GRID2: variants seen among roughly 807,000 people sequenced by gnomAD.
The protein encoded by GRID2 is glutamate receptor ionotropic, delta-2.
A neutral mutation model predicts 114.8 loss-of-function variants in GRID2; 33 were observed. That is an observed-to-expected ratio of 0.29 (90% confidence interval 0.22 to 0.38). The LOEUF is 0.38. Ranked by LOEUF, GRID2 falls within the 10% of genes least tolerant of loss-of-function variation. GRID2 has a pLI of 1.00. For missense variants in GRID2, 1,184 were observed against 1,257.7 expected (o/e 0.94, Z 0.89); for synonymous variants, 505 against 449.9 (o/e 1.12, Z -1.55).
intron 14 of GRID2, among the ~76,000 whole-genome samples, chr4:93,698,903 G>C (rs17021023): frequency 0.042 from 6,414 of 152,086 alleles, 219 homozygotes; most frequent in African/African-American, 0.085. Flanking sequence ...TAATTAAGTG[G>C]CCTTGAGATA....
chr4:92,929,137 TC>T (rs1370681269), intron 2 of GRID2, among the ~76,000 whole-genome samples: 1 of 151,466 alleles, frequency 6.6e-6, no homozygotes, highest in Non-Finnish European at 1.5e-5. Context: ...ACTCTGTAAA[TC>T]CTCAATCTTT....
intron 2 of GRID2, among the ~76,000 whole-genome samples, chr4:93,077,693 A>T (rs1729459395): frequency 6.6e-6 from 1 of 152,144 alleles, no homozygotes; most frequent in Admixed American, 6.5e-5. Context: ...GACATTCTGC[A>T]CTCACCGAGT....
intron 2 of GRID2, among the ~76,000 whole-genome samples, chr4:92,904,174 A>G (rs949606592): frequency 6.6e-6 from 1 of 151,656 alleles, no homozygotes; most frequent in Admixed American, 6.6e-5. Context: ...ATTAAATTGA[A>G]TATAATATTA....
chr4:92,861,185 A>G (rs1744507089), intron 2 of GRID2, among the ~76,000 whole-genome samples: 1 of 152,066 alleles, frequency 6.6e-6, no homozygotes, highest in Non-Finnish European at 1.5e-5. Flanking sequence ...AAATTATCAC[A>G]AACTTAACAA....
intron 2 of GRID2, among the ~76,000 whole-genome samples, chr4:92,677,654 A>T (rs1490157462): frequency 6.6e-6 from 1 of 152,162 alleles, no homozygotes; most frequent in East Asian, 1.9e-4. Flanking sequence ...TGATCATGCC[A>T]AAATGTTGGA....
chr4:93,714,838 T>A (rs2110177290), intron 14 of GRID2, among the ~76,000 whole-genome samples: 1 of 152,312 alleles, frequency 6.6e-6, no homozygotes, highest in Admixed American at 6.5e-5. Context: ...TAGACCTTTG[T>A]CCAATGGATA....
At position 93,618,885 on chromosome 4, in the gene GRID2, C is replaced by T. The variant is rs73841815; in HGVS notation, c.2194-7384C>T. Among the ~76,000 whole-genome samples the T allele has an allele frequency of 4.6e-3, 702 of 152,076 alleles. 7 individuals are homozygous for T. Among genetic ancestry groups the T allele is most frequent in the African/African-American group, 0.016 (666 of 41,440 alleles). On this transcript the variant is annotated intron_variant, in intron 13 of 15. Coordinates refer to ENST00000282020, the MANE Select transcript of GRID2 (RefSeq NM_001510.4). Reference sequence around the variant, plus strand: ...ATTTGTTTCAAGAAAAAGTTGGCAGCGGAGGGTAAAGAAGCTACATTCAGT... The same window carrying T: ...ATTTGTTTCAAGAAAAAGTTGGCAGTGGAGGGTAAAGAAGCTACATTCAGT...
chr4:92,530,333 T>C (rs1035825217), intron 1 of GRID2, among the ~76,000 whole-genome samples: 2 of 151,862 alleles, frequency 1.3e-5, no homozygotes, highest in Non-Finnish European at 2.9e-5. Flanking sequence ...TTACTAAAAG[T>C]AATGCCTTGT....
At chr4:92,471,029 C>G (rs1298030302) in intron 1 of GRID2, among the ~76,000 whole-genome samples, 2 of 151,956 alleles carry the variant, frequency 1.3e-5, no homozygotes, top group Non-Finnish European at 2.9e-5. Context: ...CAAATCCTGA[C>G]AGCAAGTGGT....
Position 92,884,169 on chromosome 4 carries a change from G to A in GRID2, c.245-200826G>A, listed in dbSNP as rs559779501. ...CTTCACTTTATACTTTTGTGTCATG[G>A]AGATGGCTTCTTTCCTTAAAACCCA... is the stretch of plus-strand genomic sequence containing the variant. On this transcript the variant is annotated intron_variant, in intron 2 of 15. Transcript: ENST00000282020. Among the ~76,000 whole-genome samples the A allele has an allele frequency of 1.1e-4, 17 of 152,262 alleles. No individual in the cohort carries two copies. In the South Asian group the frequency reaches 3.5e-3, roughly 32 times the overall value.
Position 92,495,212 on chromosome 4 carries a change from A to C in GRID2, c.89-94919A>C, listed in dbSNP as rs953121142. Reference sequence around the variant, plus strand: ...TTTCTTAACCATAAAATTATCTGGAATACATTTCAAGCTCCCTGTGTTCAT... The same window carrying C: ...TTTCTTAACCATAAAATTATCTGGACTACATTTCAAGCTCCCTGTGTTCAT... On this transcript the variant is annotated intron_variant, in intron 1 of 15. Transcript: ENST00000282020. Among the ~76,000 whole-genome samples, 7 of 152,082 alleles carry C rather than the reference A, an allele frequency of 4.6e-5. 1 individual carries two copies. Among genetic ancestry groups the C allele is most frequent in the Admixed American group, 4.6e-4 (7 of 15,240 alleles).
Position 93,444,473 on chromosome 4 carries a change from A to C in GRID2, c.1546-11189A>C, listed in dbSNP as rs1415633415. On this transcript the variant is annotated intron_variant, in intron 10 of 15. Coordinates refer to ENST00000282020, the MANE Select transcript of GRID2 (RefSeq NM_001510.4). The stretch of plus-strand genomic sequence containing the variant: ...GCTGTCAGAGAAAAAAATCTATTGA[A>C]ATAATGAAACATACTAATTTTGAGA... Among the ~76,000 whole-genome samples, 3 of 152,132 alleles carry C rather than the reference A, an allele frequency of 2.0e-5. No homozygotes were observed. The East Asian group carries it at 5.8e-4, about 30-fold the overall frequency.
intron 1 of GRID2, among the ~76,000 whole-genome samples, chr4:93,787,706 C>T (rs1374308176): frequency 6.6e-6 from 1 of 152,150 alleles, no homozygotes; most frequent in Non-Finnish European, 1.5e-5. Flanking sequence ...GTGCTTAAGA[C>T]AGTGTCTGGT....
rs533413930 is a variant in GRID2, at chr4:92,892,712, G to C, written c.245-192283G>C. 2.1e-4 allele frequency among the ~76,000 whole-genome samples: 32 copies of C among 152,250 alleles called. 1 individual carries two copies. The South Asian group carries it at 6.6e-3, about 32-fold the overall frequency. The stretch of plus-strand genomic sequence containing the variant: ...TATAAACATAATTTTAAAAATAACT[G>C]ATAGAAAATCCACTTGGGAACACAT... On this transcript the variant is annotated intron_variant, in intron 2 of 15. Coordinates refer to ENST00000282020, the MANE Select transcript of GRID2 (RefSeq NM_001510.4).
At chr4:92,550,553 A>T (rs1726533704) in intron 1 of GRID2, among the ~76,000 whole-genome samples, 1 of 152,152 alleles carries the variant, frequency 6.6e-6, no homozygotes, top group Non-Finnish European at 1.5e-5. Flanking sequence ...ATATTTATTA[A>T]TGATTGTTTA....
intron 1 of GRID2, among the ~76,000 whole-genome samples, chr4:92,492,752 G>A (rs559991421): frequency 6.1e-4 from 93 of 152,144 alleles, no homozygotes; most frequent in Admixed American, 1.6e-3. Flanking sequence ...AGTCATATCT[G>A]AAATCCACCA....
At chr4:93,205,771 C>G (rs904653536) in intron 4 of GRID2, among the ~76,000 whole-genome samples, 21 of 152,120 alleles carry the variant, frequency 1.4e-4, no homozygotes, top group Non-Finnish European at 2.5e-4. Flanking sequence ...GACAGTCCCA[C>G]CAACAGTGTA....
chr4:93,016,934 T>A (rs1578759895), intron 2 of GRID2, among the ~76,000 whole-genome samples: 1 of 152,164 alleles, frequency 6.6e-6, no homozygotes. Flanking sequence ...CTTAAAAAAA[T>A]TCTCTTCTAT....
intron 2 of GRID2, among the ~76,000 whole-genome samples, chr4:92,760,749 GCA>G (rs1737969408): frequency 6.6e-6 from 1 of 152,100 alleles, no homozygotes; most frequent in South Asian, 2.1e-4. Flanking sequence ...AAACTAAAAA[GCA>G]CATTTTTATG....
Sources: allele counts gnomAD v4.1 joint callset (sites outside exome capture counted in the v4.1 genomes callset), GRCh38; gene constraint gnomAD v4.1.1; transcripts MANE v1.5; gene names NCBI Gene and HGNC (gene_info 2026-07-23, HGNC 2026-07-21).